Variants in EPHA5 observed in about 807,000 individuals in gnomAD.
The protein encoded by EPHA5 is EPH receptor A5.
EPHA5 carries 60 observed loss-of-function variants against 105.0 expected under a neutral mutation model. The ratio of observed to expected loss-of-function variants is 0.57; its 90% confidence interval spans 0.46 to 0.71. The LOEUF (loss-of-function observed/expected upper bound fraction) is 0.71. EPHA5 is among the 30% of genes least tolerant of loss of function. EPHA5 has a pLI of 0.00. For synonymous variants in EPHA5, 513 were observed against 449.1 expected (o/e 1.14, Z -1.80); for missense variants, 1,218 against 1,274.7 (o/e 0.96, Z 0.68).
intron 3 of EPHA5, among the ~76,000 whole-genome samples, chr4:65,583,072 A>G (rs1578492199): frequency 6.6e-6 from 1 of 151,804 alleles, no homozygotes; most frequent in East Asian, 1.9e-4. Flanking sequence ...GCAAGTGTAC[A>G]CAGTTGTTCA....
chr4:65,329,501 C>A (rs1720392245), intron 16 of EPHA5, among the ~76,000 whole-genome samples: 1 of 151,330 alleles, frequency 6.6e-6, no homozygotes, highest in Non-Finnish European at 1.5e-5. Context: ...TTTGATGCCA[C>A]AAATTACAAT....
chr4:65,670,387 G>C lies in EPHA5; in HGVS notation c.-645C>G, dbSNP rs1230075812. 1.3e-5 allele frequency: 3 copies of C among 233,594 alleles called. No individual in the cohort carries two copies. The highest frequency in any genetic ancestry group is 5.6e-5 in the Admixed American group (1 of 17,780). 14.5% of individuals were successfully genotyped at this position (233,594 alleles called of 1,614,324 possible). The stretch of plus-strand genomic sequence containing the variant: ...TAGGAGCGCGGAGCTGCGCTGCGGC[G>C]GCCCAGGAGCTGCTGCGGTTCCCGC... On this transcript the variant is annotated 5_prime_UTR_variant, in exon 1 of 17. Transcript: ENST00000613740.
At chr4:65,336,787 G>A (rs1271464070) in intron 14 of EPHA5, among the ~76,000 whole-genome samples, 4 of 151,992 alleles carry the variant, frequency 2.6e-5, no homozygotes, top group African/African-American at 9.7e-5. Flanking sequence ...CTAATTGTGA[G>A]GTCATTTTAT....
intron 3 of EPHA5, among the ~76,000 whole-genome samples, chr4:65,592,501 A>G (rs1411924096): frequency 6.6e-6 from 1 of 151,860 alleles, no homozygotes; most frequent in African/African-American, 2.4e-5. Context: ...GAGGACTCCG[A>G]GTTAAAAAAA....
At chr4:65,613,031 C>T (rs1374211035) in intron 2 of EPHA5, among the ~76,000 whole-genome samples, 2 of 151,838 alleles carry the variant, frequency 1.3e-5, no homozygotes, top group Non-Finnish European at 2.9e-5. Flanking sequence ...ATCTATAATC[C>T]ATCTTGGGTC....
At chr4:65,461,719 T>C (rs1191628380) in intron 5 of EPHA5, among the ~76,000 whole-genome samples, 1 of 151,968 alleles carries the variant, frequency 6.6e-6, no homozygotes, top group Admixed American at 6.6e-5. Flanking sequence ...ATGACACATT[T>C]AATGGGTACA....
At chr4:65,611,320 A>T (rs1744737376) in intron 2 of EPHA5, among the ~76,000 whole-genome samples, 1 of 152,128 alleles carries the variant, frequency 6.6e-6, no homozygotes, top group Admixed American at 6.6e-5. Flanking sequence ...GTACTCTTTA[A>T]TATAAATATT....
intron 2 of EPHA5, among the ~76,000 whole-genome samples, chr4:65,624,705 G>T (rs1423699752): frequency 6.6e-6 from 1 of 152,068 alleles, no homozygotes; most frequent in Non-Finnish European, 1.5e-5. Context: ...GATTCTACCT[G>T]GTTACTAGCA....
rs377384970 is a variant in EPHA5 at position 65,608,451 on chromosome 4, C to G, written c.247-6147G>C. Among the ~76,000 whole-genome samples, 5 of 151,886 alleles carry G rather than the reference C, an allele frequency of 3.3e-5. No homozygotes were observed. In the East Asian group the frequency reaches 9.8e-4, roughly 30 times the overall value. ...CCCATGAGGCGGAGCCTGCAGTGAG[C>G]CGAGATTGCGCCACTGCACCCCAGC... On this transcript the variant is annotated intron_variant, in intron 2 of 16. Transcript: ENST00000613740.
intron 3 of EPHA5, among the ~76,000 whole-genome samples, chr4:65,529,867 G>T (rs1432894555): frequency 6.6e-6 from 1 of 151,934 alleles, no homozygotes; most frequent in East Asian, 1.9e-4. Context: ...GTTGTTATTG[G>T]CCATTAGAAA....
In EPHA5 at chr4:65,366,023, T is replaced by C. The variant is rs753625855; in HGVS notation, c.1896A>G (p.Pro632=). 30 of 1,599,540 alleles carry C rather than the reference T, an allele frequency of 1.9e-5. No individual in the cohort carries two copies. The Admixed American group carries it at 3.3e-4, about 18-fold the overall frequency. Residue 632 remains proline (P), a synonymous_variant, in exon 10 of 17, where the codon CCA becomes CCG. Coordinates refer to ENST00000613740, the MANE Select transcript of EPHA5 (RefSeq NM_001281766.3). ...KLPGVRTYID[P]HTYEDPNQAV... Reference sequence around the variant, plus strand: ...CTTGATTGGGATCCTCATAGGTATGTGGATCAATGTAAGTTCTTACTCCTG... The same window carrying C: ...CTTGATTGGGATCCTCATAGGTATGCGGATCAATGTAAGTTCTTACTCCTG...
chr4:65,384,303 T>C (rs1322647395), intron 8 of EPHA5, among the ~76,000 whole-genome samples: 1 of 152,002 alleles, frequency 6.6e-6, no homozygotes, highest in East Asian at 1.9e-4. Context: ...GAGATAATTT[T>C]ATCTTCTATT....
chr4:65,542,769 G>A (rs1313814795), intron 3 of EPHA5, among the ~76,000 whole-genome samples: 32 of 149,770 alleles, frequency 2.1e-4, no homozygotes, highest in Non-Finnish European at 1.9e-4. Flanking sequence ...ACACAACAAA[G>A]AAAAAAAAAA....
chr4:65,618,668 A>G (rs1745453156), intron 2 of EPHA5, among the ~76,000 whole-genome samples: 1 of 152,192 alleles, frequency 6.6e-6, no homozygotes, highest in African/African-American at 2.4e-5. Flanking sequence ...ACATGCCCCA[A>G]ATATGCTGGT....
chr4:65,490,271 T>A (rs1731269744), intron 5 of EPHA5, 106 bp downstream of exon 5: 1 of 1,114,514 alleles, frequency 9.0e-7, no homozygotes, highest in African/African-American at 1.5e-5. Context: ...ACCTTCCGGT[T>A]GAGGGAAAAT....
chr4:65,500,754 CTG>C (rs1732406220), intron 3 of EPHA5, among the ~76,000 whole-genome samples: 1 of 149,892 alleles, frequency 6.7e-6, no homozygotes, highest in African/African-American at 2.4e-5. Context: ...ATAATAATTA[CTG>C]TTTTAATACT....
chr4:65,447,541 A>G (rs2149099483), intron 5 of EPHA5, among the ~76,000 whole-genome samples: 1 of 151,500 alleles, frequency 6.6e-6, no homozygotes, highest in African/African-American at 2.4e-5. Flanking sequence ...TTGAGTGATA[A>G]AATTTTATTG....
At chr4:65,413,496 G>T (rs1031054144) in intron 7 of EPHA5, among the ~76,000 whole-genome samples, 1 of 151,752 alleles carries the variant, frequency 6.6e-6, no homozygotes, top group African/African-American at 2.4e-5. Flanking sequence ...TCATTTCATT[G>T]ATTTTTGAAA....
intron 3 of EPHA5, among the ~76,000 whole-genome samples, chr4:65,535,710 A>T (rs2149311225): frequency 6.6e-6 from 1 of 152,142 alleles, no homozygotes; most frequent in South Asian, 2.1e-4. Flanking sequence ...AGGTGATGAA[A>T]AATAGCACCA....
Sources: allele counts gnomAD v4.1 joint callset (sites outside exome capture counted in the v4.1 genomes callset), GRCh38; gene constraint gnomAD v4.1.1; transcripts MANE v1.5; gene names NCBI Gene and HGNC (gene_info 2026-07-23, HGNC 2026-07-21).